The following ADAM12 variants were observed in gnomAD, a reference collection of about 807,000 sequenced individuals.
ADAM12 encodes disintegrin and metalloproteinase domain-containing protein 12.
ADAM12 carries 70 observed loss-of-function variants against 106.4 expected under a neutral mutation model. The ratio of observed to expected loss-of-function variants is 0.66; its 90% CI spans 0.54 to 0.80. The LOEUF is 0.80. Ranked by LOEUF, ADAM12 falls within the 30% of genes least tolerant of loss-of-function variation. The probability of loss-of-function intolerance (pLI) is 0.00; values close to 1 mark genes in which losing one functional copy is unlikely to be tolerated. For missense variants in ADAM12, 1,010 were observed against 1,171.9 expected, an observed-to-expected ratio of 0.86 and a Z score of 2.02; for synonymous variants, 420 against 433.5, an observed-to-expected ratio of 0.97 and a Z score of 0.39.
chr10:126,110,027 A>G (rs1486336282), intron 6 of ADAM12, among the ~76,000 whole-genome samples, 187 bp from the exon 7 acceptor site: 1 of 152,118 alleles, frequency 6.6e-6, no homozygotes, highest in African/African-American at 2.4e-5. Context: ...CCTTCTCAAC[A>G]TGAGTAACCA....
Position 126,064,976 on chromosome 10 carries a change from C to A in ADAM12, c.1439G>T (p.Arg480Met). The change falls in exon 14 of 23, where the codon AGG becomes ATG. Residue 480 changes from arginine to methionine, a missense_variant. Transcript: ENST00000448723. The surrounding 1 kb of genome is among the most constrained non-coding windows in gnomAD (Gnocchi z 4.4). Reference sequence around the variant, plus strand: ...GAGGTCACAGGAGTTGCTGGAGTCCCTGCACGCTGTTCCTGCAGGCTTCAG... The same window carrying A: ...GAGGTCACAGGAGTTGCTGGAGTCCATGCACGCTGTTCCTGCAGGCTTCAG... ...CQLKPAGTACRDSSNSCDLPE... is the reference protein window; with the variant it reads ...CQLKPAGTACMDSSNSCDLPE... 1 of 1,612,202 alleles carries A rather than the reference C, an allele frequency of 6.2e-7. No homozygotes were observed. Among genetic ancestry groups the A allele is most frequent in the Non-Finnish European group, 8.5e-7 (1 of 1,179,384 alleles).
chr10:126,314,710 G>GAATTGAAGT (rs1961270903), intron 2 of ADAM12, among the ~76,000 whole-genome samples: 1 of 152,170 alleles, frequency 6.6e-6, no homozygotes, highest in Admixed American at 6.5e-5. Context: ...ATTGCCTTCA[G>GAATTGAAGT]AATTGAAGTC....
chr10:126,155,091 G>A, intron 4 of ADAM12, 136 bp downstream of exon 4: 1 of 902,120 alleles, frequency 1.1e-6, no homozygotes, highest in Non-Finnish European at 1.7e-6. Flanking sequence ...TACCACTAAG[G>A]GACACACCAG....
chr10:126,202,547 C>T (rs922492086), intron 3 of ADAM12, among the ~76,000 whole-genome samples: 95 of 152,306 alleles, frequency 6.2e-4, no homozygotes, highest in African/African-American at 2.2e-3. Context: ...ATAAAGGTCA[C>T]TCTGCAGTCA....
At chr10:126,091,791 C>G (rs948984606) in intron 11 of ADAM12, among the ~76,000 whole-genome samples, 1 of 152,068 alleles carries the variant, frequency 6.6e-6, no homozygotes, top group Non-Finnish European at 1.5e-5. Flanking sequence ...TGCTATTGTG[C>G]CTTCAGAATT....
intron 3 of ADAM12, among the ~76,000 whole-genome samples, chr10:126,265,002 AT>A (rs1959070836): frequency 6.6e-6 from 1 of 152,232 alleles, no homozygotes; most frequent in South Asian, 2.1e-4. Context: ...TGTAATATCT[AT>A]ATGGGTAATT....
chr10:126,376,662 G>C (rs1317536981), intron 1 of ADAM12, among the ~76,000 whole-genome samples: 5 of 152,158 alleles, frequency 3.3e-5, no homozygotes, highest in Non-Finnish European at 7.3e-5. Context: ...CCACATTCAT[G>C]ATGGGAAGCC....
intron 4 of ADAM12, among the ~76,000 whole-genome samples, chr10:126,148,043 T>C (rs1163676683): frequency 6.6e-6 from 1 of 152,194 alleles, no homozygotes; most frequent in Non-Finnish European, 1.5e-5. Context: ...CCGCAGGCCT[T>C]ATTAAAAGTA....
chr10:126,209,929 C>T (rs1241344520), intron 3 of ADAM12, among the ~76,000 whole-genome samples: 2 of 152,224 alleles, frequency 1.3e-5, no homozygotes, highest in East Asian at 1.9e-4. Flanking sequence ...TCACTGGGAA[C>T]AGGCGACTGC....
chr10:126,072,656 G>T (rs1470156918), intron 11 of ADAM12, among the ~76,000 whole-genome samples: 1 of 152,106 alleles, frequency 6.6e-6, no homozygotes. Flanking sequence ...GAGCATTTGG[G>T]GTTTGATTCC....
intron 21 of ADAM12, among the ~76,000 whole-genome samples, chr10:126,023,182 A>G (rs776837201): frequency 1.3e-5 from 2 of 152,186 alleles, no homozygotes; most frequent in African/African-American, 2.4e-5. Context: ...AATTCGGTCT[A>G]CCTCTAGCTA....
chr10:126,108,535 A>T (rs1955815859), intron 8 of ADAM12, 58 bp downstream of exon 8: 3 of 1,518,810 alleles, frequency 2.0e-6, no homozygotes, highest in Non-Finnish European at 2.7e-6. Flanking sequence ...AGGTCCCCCA[A>T]CCTCATTTCC....
chr10:126,058,618 C>A (rs1431088312), intron 14 of ADAM12, among the ~76,000 whole-genome samples: 1 of 152,162 alleles, frequency 6.6e-6, no homozygotes, highest in Non-Finnish European at 1.5e-5. Context: ...TGAAAGAAAA[C>A]ATCATTAAAG....
intron 3 of ADAM12, among the ~76,000 whole-genome samples, chr10:126,224,993 C>A (rs767030919): frequency 6.6e-6 from 1 of 152,240 alleles, no homozygotes; most frequent in Non-Finnish European, 1.5e-5. Flanking sequence ...AGATACTGCT[C>A]CTGCCGCCTC....
intron 3 of ADAM12, among the ~76,000 whole-genome samples, chr10:126,214,868 G>T (rs1446320007): frequency 6.6e-6 from 1 of 152,172 alleles, no homozygotes; most frequent in Non-Finnish European, 1.5e-5. Context: ...ACGCCCGCTG[G>T]CTGGATTAGG....
chr10:126,114,305 T>C (rs1241068322), intron 6 of ADAM12, among the ~76,000 whole-genome samples: 1 of 152,146 alleles, frequency 6.6e-6, no homozygotes, highest in East Asian at 1.9e-4. Context: ...AAATTAAGCC[T>C]TAAAAACGAA....
intron 5 of ADAM12, among the ~76,000 whole-genome samples, chr10:126,120,292 C>A (rs1956061889): frequency 6.6e-6 from 1 of 152,148 alleles, no homozygotes; most frequent in Non-Finnish European, 1.5e-5. Context: ...ACAGTCATAG[C>A]ACAGGTGAAT....
intron 3 of ADAM12, among the ~76,000 whole-genome samples, chr10:126,236,566 G>A (rs975610423): frequency 2.6e-5 from 4 of 152,140 alleles, no homozygotes; most frequent in Admixed American, 2.6e-4. Flanking sequence ...ACGGCTCTGC[G>A]GGGGGAGCTG....
chr10:126,370,454 T>C (rs1007391417), intron 1 of ADAM12, among the ~76,000 whole-genome samples: 5 of 152,190 alleles, frequency 3.3e-5, no homozygotes, highest in Non-Finnish European at 7.3e-5. Flanking sequence ...AGTAAGTTTC[T>C]CCTTCAGGAA....
Sources: allele counts gnomAD v4.1 joint callset (sites outside exome capture counted in the v4.1 genomes callset), GRCh38; gene constraint gnomAD v4.1.1; non-coding constraint Gnocchi (gnomAD v3.1); transcripts MANE v1.5; gene names NCBI Gene and HGNC (gene_info 2026-07-23, HGNC 2026-07-21).